The following MGAT4D variants were observed in gnomAD, a reference collection of about 807,000 sequenced individuals.
MGAT4D encodes the protein MGAT4 family member D, also known as alpha-1,3-mannosyl-glycoprotein 4-beta-N-acetylglucosaminyltransferase-like protein MGAT4D.
In MGAT4D, 34 loss-of-function variants were observed where a neutral mutation model predicts 15.9. The observed-to-expected ratio is 2.14, with a 90% CI of 1.62 to 2.84. The LOEUF (loss-of-function observed/expected upper bound fraction) is 2.84, where lower values mean the gene tolerates loss of function less well. Among genes scored for constraint, MGAT4D ranks in the 30% most tolerant of loss-of-function variants. The probability of loss-of-function intolerance (pLI) is 0.00; values close to 1 mark genes in which losing one functional copy is unlikely to be tolerated. For synonymous variants in MGAT4D, 112 were observed against 48.2 expected (o/e 2.33, Z -5.49); for missense variants, 327 against 140.2 (o/e 2.33, Z -6.73).
At chr4:140,462,069 T>A (rs904414794) in intron 6 of MGAT4D, 65 bp from the exon 7 acceptor site, 11 of 657,988 alleles carry the variant, frequency 1.7e-5, no homozygotes, top group Non-Finnish European at 2.8e-5. Context: ...AAGCATACTT[T>A]AGTAATTAAA....
chr4:140,470,302 C>G (rs1442878437), intron 5 of MGAT4D, among the ~76,000 whole-genome samples: 2 of 152,208 alleles, frequency 1.3e-5, no homozygotes, highest in African/African-American at 2.4e-5. Flanking sequence ...CTTAATGACG[C>G]GCTTCAAAAC....
Position 140,452,002 on chromosome 4 carries a change from A to C in MGAT4D, c.1009-485T>G, listed in dbSNP as rs1469271848. Reference sequence around the variant, plus strand: ...AATCTGGATAATTTTCTCAAAAAAAAAAAAAAAAAAGAAGGATGACCTATG... The same window carrying C: ...AATCTGGATAATTTTCTCAAAAAAACAAAAAAAAAAGAAGGATGACCTATG... On this transcript the variant is annotated intron_variant, in intron 9 of 10. Transcript: ENST00000511113. Among the ~76,000 whole-genome samples the C allele has an allele frequency of 7.9e-3, 1,203 of 151,810 alleles. 10 individuals carry two copies. The highest frequency in any genetic ancestry group is 0.021 in the African/African-American group (866 of 41,476).
At chr4:140,452,591 C>A (rs1730541839) in intron 9 of MGAT4D, among the ~76,000 whole-genome samples, 2 of 152,056 alleles carry the variant, frequency 1.3e-5, no homozygotes, top group Non-Finnish European at 2.9e-5. Flanking sequence ...AGTGTCTGTT[C>A]AAATCTTTTG....
chr4:140,456,192 AT>A (rs977027850), intron 9 of MGAT4D, among the ~76,000 whole-genome samples: 8 of 152,156 alleles, frequency 5.3e-5, no homozygotes, highest in Non-Finnish European at 5.9e-5. Flanking sequence ...TATGGTATAT[AT>A]TTTTTTCATC....
intron 9 of MGAT4D, among the ~76,000 whole-genome samples, chr4:140,453,156 T>A (rs932115613): frequency 7.9e-5 from 12 of 152,202 alleles, no homozygotes; most frequent in Non-Finnish European, 1.3e-4. Flanking sequence ...ACTGTAGCTT[T>A]GTAGTAAGCT....
rs1407782996 is a variant in MGAT4D at position 140,471,785 on chromosome 4, T to C, written c.562A>G (p.Ile188Val). The C allele has an allele frequency of 4.0e-6, 2 of 498,902 alleles. No homozygotes were observed. Among genetic ancestry groups the C allele is most frequent in the Non-Finnish European group, 7.3e-6 (2 of 275,834 alleles). 30.9% of individuals were successfully genotyped at this position (498,902 alleles called of 1,614,324 possible). ...EDYLHSVVKM[I>V]TKKFKRQVRS... Reference sequence around the variant, plus strand: ...TCAGACAGTACTTACTTTTTTGTAATCATTTTAACAACAGAATGTAAATAA... The same window carrying C: ...TCAGACAGTACTTACTTTTTTGTAACCATTTTAACAACAGAATGTAAATAA... Residue 188 changes from isoleucine to valine, a missense_variant, in exon 5 of 11, where the codon ATT becomes GTT. By Grantham distance (29) the Ile-to-Val change is conservative. Transcript: ENST00000511113.
intron 9 of MGAT4D, 36 bp downstream of exon 9, chr4:140,456,553 C>A: frequency 1.8e-6 from 1 of 557,112 alleles, no homozygotes; most frequent in South Asian, 2.4e-5. Context: ...TAATATTTTT[C>A]CTAAAATATT....
intron 1 of MGAT4D, among the ~76,000 whole-genome samples, chr4:140,497,766 TCAGA>T (rs1645069823): frequency 6.6e-6 from 1 of 151,646 alleles, no homozygotes; most frequent in Non-Finnish European, 1.5e-5. Context: ...GTTCTTGGGG[TCAGA>T]CAGCCATAGT....
chr4:140,470,140 T>C (rs1731826375), intron 5 of MGAT4D, among the ~76,000 whole-genome samples: 7 of 152,246 alleles, frequency 4.6e-5, no homozygotes, highest in Admixed American at 4.6e-4. Context: ...GTGTGCTCTT[T>C]CTTCTCCCTT....
intron 1 of MGAT4D, among the ~76,000 whole-genome samples, chr4:140,494,048 TG>T (rs1733676962): frequency 6.6e-6 from 1 of 151,794 alleles, no homozygotes; most frequent in East Asian, 1.9e-4. Flanking sequence ...CTGGAGTGGT[TG>T]CATTACCCAG....
At chr4:140,492,477 C>G (rs1480833721) in intron 1 of MGAT4D, among the ~76,000 whole-genome samples, 1 of 151,984 alleles carries the variant, frequency 6.6e-6, no homozygotes, top group East Asian at 1.9e-4. Context: ...AAAATACAAA[C>G]ATTAGCTGGG....
At chr4:140,468,740 C>T (rs1341420726) in intron 5 of MGAT4D, among the ~76,000 whole-genome samples, 2 of 150,994 alleles carry the variant, frequency 1.3e-5, no homozygotes, top group Non-Finnish European at 3.0e-5. Context: ...TTATTTAATC[C>T]CTCTCCCTTC....
rs1429165613 is a variant in MGAT4D, at chr4:140,451,485, A to G, written c.1041T>C (p.Arg347=). Residue 347 remains arginine (R), a synonymous_variant, in exon 10 of 11, where the codon CGT becomes CGC. Coordinates refer to ENST00000511113, the MANE Select transcript of MGAT4D (RefSeq NM_001277353.2). ...RNCMKRKKQI[R]IQYKPSLFQH... ...GGAAAAGAGAAGGTTTATACTGAAT[A>G]CGTATTTGCTTCTTTCGTTTCATAC... 3.3e-6 allele frequency: 2 copies of G among 597,966 alleles called. No homozygotes were observed. Among genetic ancestry groups the G allele is most frequent in the Admixed American group, 2.3e-5 (1 of 42,960 alleles). The allele number at this position is 597,966 out of a possible 1,614,324, so 37.0% of individuals were successfully genotyped here.
At chr4:140,477,606 C>A (rs942369800) in intron 3 of MGAT4D, among the ~76,000 whole-genome samples, 1 of 152,184 alleles carries the variant, frequency 6.6e-6, no homozygotes, top group Non-Finnish European at 1.5e-5. Context: ...AAGAGCTTGG[C>A]CTATTTGTGA....
chr4:140,481,201 A>G (rs1370766255), intron 2 of MGAT4D, among the ~76,000 whole-genome samples: 1 of 151,980 alleles, frequency 6.6e-6, no homozygotes, highest in Non-Finnish European at 1.5e-5. Flanking sequence ...GCTACTTGGG[A>G]GACTGAGATA....
intron 6 of MGAT4D, among the ~76,000 whole-genome samples, chr4:140,463,691 A>G (rs1458741872): frequency 6.6e-6 from 1 of 152,214 alleles, no homozygotes; most frequent in Non-Finnish European, 1.5e-5. Context: ...TGAAGATATC[A>G]ACAATGTTGG....
At chr4:140,457,455 AT>A (rs1730884435) in intron 8 of MGAT4D, 1 of 152,042 alleles carries the variant, frequency 6.6e-6, no homozygotes. Flanking sequence ...TTGTATTTTA[AT>A]TTTTTAATTT....
chr4:140,473,044 G>T (rs1357826448), intron 4 of MGAT4D, among the ~76,000 whole-genome samples: 1 of 152,030 alleles, frequency 6.6e-6, no homozygotes, highest in Non-Finnish European at 1.5e-5. Context: ...AGCATTTAGA[G>T]ATAACCATTA....
intron 5 of MGAT4D, among the ~76,000 whole-genome samples, chr4:140,471,227 T>TTTCCTTCCTTCCTTCCTTCC (rs200186471): frequency 6.1e-4 from 81 of 133,788 alleles, no homozygotes; most frequent in Middle Eastern, 7.2e-3. Flanking sequence ...CTCCTTTTTG[T>TTTCCTTCCTTCCTTCCTTCC]TTCCTTCCTT....
Sources: allele counts gnomAD v4.1 joint callset (sites outside exome capture counted in the v4.1 genomes callset), GRCh38; gene constraint gnomAD v4.1.1; transcripts MANE v1.5; gene names NCBI Gene and HGNC (gene_info 2026-07-23, HGNC 2026-07-21).